The following CRTAC1 variants were observed in gnomAD, a reference collection of about 807,000 sequenced individuals.
The protein encoded by CRTAC1 is acidic secreted protein in cartilage.
Under a neutral mutation model 67.8 loss-of-function variants are expected in CRTAC1, and 37 were observed. That is an observed-to-expected ratio of 0.55 (90% CI 0.42 to 0.72). The LOEUF (loss-of-function observed/expected upper bound fraction) is 0.72. CRTAC1 is among the 30% of genes least tolerant of loss of function. The pLI is 0.00. For synonymous variants in CRTAC1, 348 were observed against 371.0 expected (o/e 0.94, Z 0.71); for missense variants, 780 against 931.6 (o/e 0.84, Z 2.12).
intron 2 of CRTAC1, among the ~76,000 whole-genome samples, chr10:97,941,596 C>T (rs1458475009): frequency 6.6e-6 from 1 of 152,150 alleles, no homozygotes; most frequent in Non-Finnish European, 1.5e-5. Flanking sequence ...AATACTAAGG[C>T]CAGGAACCTG....
At chr10:97,974,222 G>A (rs181653252) in intron 2 of CRTAC1, among the ~76,000 whole-genome samples, 3 of 152,294 alleles carry the variant, frequency 2.0e-5, no homozygotes, top group East Asian at 1.9e-4. Context: ...GAGAAGACGG[G>A]TGGGAGACGC....
chr10:98,025,379 C>T (rs1843208615), intron 1 of CRTAC1, among the ~76,000 whole-genome samples: 1 of 152,164 alleles, frequency 6.6e-6, no homozygotes, highest in African/African-American at 2.4e-5. Flanking sequence ...TGTCTACAGA[C>T]ATTGCCAAAT....
intron 4 of CRTAC1, among the ~76,000 whole-genome samples, chr10:97,917,989 C>T (rs1482775943): frequency 6.6e-6 from 1 of 152,176 alleles, no homozygotes; most frequent in African/African-American, 2.4e-5. Context: ...TGAGCTCTCT[C>T]CAGCTGCCAG....
At chr10:97,875,196 A>G (rs143242263) in intron 14 of CRTAC1, among the ~76,000 whole-genome samples, 8 of 152,348 alleles carry the variant, frequency 5.3e-5, no homozygotes, top group Middle Eastern at 3.4e-3. Flanking sequence ...TTAGCTAGCT[A>G]TGTGACTTTG....
intron 11 of CRTAC1, among the ~76,000 whole-genome samples, chr10:97,890,567 A>G (rs920939964): frequency 2.0e-5 from 3 of 152,162 alleles, no homozygotes; most frequent in Non-Finnish European, 2.9e-5. Context: ...GACCTGTCCA[A>G]CCTGGACCAC....
intron 1 of CRTAC1, among the ~76,000 whole-genome samples, chr10:98,028,928 C>G (rs549159221): frequency 7.9e-5 from 12 of 152,118 alleles, no homozygotes; most frequent in Non-Finnish European, 1.5e-4. Flanking sequence ...CCCTACACAC[C>G]GTTTCGACCT....
intron 2 of CRTAC1, among the ~76,000 whole-genome samples, chr10:97,991,099 C>CCAAAAA (rs1554932158): frequency 1.7e-4 from 3 of 17,978 alleles, no homozygotes; most frequent in African/African-American, 5.6e-4. Flanking sequence ...ACCATCTCTA[C>CCAAAAA]AAAAAAAAAA....
At chr10:98,018,490 T>C (rs1843048997) in intron 1 of CRTAC1, among the ~76,000 whole-genome samples, 1 of 152,146 alleles carries the variant, frequency 6.6e-6, no homozygotes. Context: ...AAAGGTGAGA[T>C]AGTCTTTAGA....
intron 2 of CRTAC1, among the ~76,000 whole-genome samples, chr10:97,961,791 C>A (rs925901374): frequency 6.6e-6 from 1 of 152,196 alleles, no homozygotes. Flanking sequence ...CCCCAGTAGT[C>A]TGGGAGGCCA....
At position 97,874,430 on chromosome 10, in the gene CRTAC1, T is replaced by C. The variant is rs117716972; in HGVS notation, c.1819+5819A>G. On this transcript the variant is annotated intron_variant, in intron 14 of 14. Coordinates refer to ENST00000370597, the MANE Select transcript of CRTAC1 (RefSeq NM_018058.7). ...CACTGCATGAGAATTCAGCAGAACA[T>C]AGCACAGCCCAGGCCCCAGGAAGGT... Among the ~76,000 whole-genome samples, 48 of 152,322 alleles carry C rather than the reference T, an allele frequency of 3.2e-4. No individual in the cohort carries two copies. In the East Asian group the frequency reaches 8.3e-3, roughly 26 times the overall value.
At chr10:97,967,337 C>A (rs1007557118) in intron 2 of CRTAC1, among the ~76,000 whole-genome samples, 3 of 152,196 alleles carry the variant, frequency 2.0e-5, no homozygotes, top group Non-Finnish European at 4.4e-5. Flanking sequence ...GCTTTTCAAG[C>A]ACCTCCTTAC....
intron 1 of CRTAC1, among the ~76,000 whole-genome samples, chr10:98,028,895 C>T (rs1007233931): frequency 1.3e-5 from 2 of 152,156 alleles, no homozygotes; most frequent in Admixed American, 6.5e-5. Context: ...AAATGAGCAG[C>T]CACAGAGCAG....
intron 11 of CRTAC1, among the ~76,000 whole-genome samples, chr10:97,885,227 T>C (rs1446313829): frequency 6.6e-6 from 1 of 152,128 alleles, no homozygotes; most frequent in East Asian, 1.9e-4. Flanking sequence ...GAGCTGGGCA[T>C]GGTGGCTCAT....
intron 2 of CRTAC1, among the ~76,000 whole-genome samples, chr10:97,961,470 A>T (rs1216337774): frequency 2.0e-5 from 3 of 152,190 alleles, no homozygotes; most frequent in African/African-American, 7.2e-5. Flanking sequence ...TAATTTTTTA[A>T]AAAAATCAAC....
intron 1 of CRTAC1, among the ~76,000 whole-genome samples, chr10:98,012,125 C>T (rs1210324100): frequency 6.6e-6 from 1 of 152,164 alleles, no homozygotes; most frequent in Non-Finnish European, 1.5e-5. Context: ...GCACATCATT[C>T]ACTTGGAGAA....
chr10:97,871,354 C>T (rs746779827), intron 14 of CRTAC1: 2 of 152,192 alleles, frequency 1.3e-5, no homozygotes, highest in Non-Finnish European at 2.9e-5. Flanking sequence ...ATTCACTTAA[C>T]TTTCCTGAGT....
intron 4 of CRTAC1, among the ~76,000 whole-genome samples, chr10:97,920,299 T>A (rs75260712): frequency 0.074 from 11,230 of 152,262 alleles, 537 homozygotes; most frequent in African/African-American, 0.13. Context: ...ACTTTGATTT[T>A]TCGGGGGTAT....
At chr10:97,950,230 C>T (rs567031104) in intron 2 of CRTAC1, among the ~76,000 whole-genome samples, 7 of 135,482 alleles carry the variant, frequency 5.2e-5, no homozygotes, top group Admixed American at 3.1e-4. Context: ...TTTGCATGTA[C>T]GTGCACACAC....
At chr10:97,884,561 T>C in intron 11 of CRTAC1, 1 of 590,616 alleles carries the variant, frequency 1.7e-6, no homozygotes, top group Middle Eastern at 4.5e-4. Flanking sequence ...AGGACAGAAA[T>C]GTCCTGCATC....
Sources: allele counts gnomAD v4.1 joint callset (sites outside exome capture counted in the v4.1 genomes callset), GRCh38; gene constraint gnomAD v4.1.1; transcripts MANE v1.5; gene names NCBI Gene and HGNC (gene_info 2026-07-23, HGNC 2026-07-21).